FHOD3: variants seen among roughly 807,000 people sequenced by gnomAD.
FHOD3 encodes formin homology 2 domain containing 3, also known as FH1/FH2 domain-containing protein 3.
Under a neutral mutation model 173.0 loss-of-function variants are expected in FHOD3, and 90 were observed. That is an observed-to-expected ratio of 0.52 (90% CI 0.44 to 0.62). The LOEUF (loss-of-function observed/expected upper bound fraction) is 0.62. Among genes scored for constraint, FHOD3 ranks in the 20% least tolerant of loss-of-function variants. The pLI, the probability that FHOD3 is intolerant of heterozygous loss-of-function variation, is 0.00. For missense variants in FHOD3, 1,945 were observed against 2,034.7 expected (o/e 0.96, Z 0.85); for synonymous variants, 828 against 823.0 (o/e 1.01, Z -0.10).
intron 3 of FHOD3, among the ~76,000 whole-genome samples, chr18:36,485,793 T>C (rs187848950): frequency 4.6e-5 from 7 of 152,338 alleles, no homozygotes; most frequent in Non-Finnish European, 1.0e-4. Flanking sequence ...GAAGTCAGCC[T>C]GTGTCTCTTG....
intron 3 of FHOD3, among the ~76,000 whole-genome samples, chr18:36,479,240 T>G (rs1307000277): frequency 6.6e-6 from 1 of 152,340 alleles, no homozygotes; most frequent in Middle Eastern, 3.4e-3. Context: ...GTGAAAAAAT[T>G]TAAAGAAGTT....
At chr18:36,365,039 A>G (rs540090900) in intron 2 of FHOD3, among the ~76,000 whole-genome samples, 1 of 152,270 alleles carries the variant, frequency 6.6e-6, no homozygotes, top group South Asian at 2.1e-4. Flanking sequence ...GTGAGGGTGG[A>G]AGACAAGAGA....
intron 3 of FHOD3, among the ~76,000 whole-genome samples, chr18:36,471,059 G>T (rs547719415): frequency 2.6e-5 from 4 of 152,174 alleles, no homozygotes; most frequent in African/African-American, 9.6e-5. Context: ...CTCAGGGATC[G>T]CAGTGTCCCA....
intron 10 of FHOD3, among the ~76,000 whole-genome samples, chr18:36,627,482 G>T (rs1034408799): frequency 1.3e-5 from 2 of 152,222 alleles, no homozygotes; most frequent in Non-Finnish European, 2.9e-5. Flanking sequence ...CAGTCTTGAA[G>T]TGCTGGGCTC....
intron 24 of FHOD3, among the ~76,000 whole-genome samples, chr18:36,752,160 C>T (rs530780543): frequency 3.3e-5 from 5 of 152,212 alleles, no homozygotes; most frequent in Admixed American, 1.3e-4. Context: ...TGGGGGATAC[C>T]GCCCCCTATG....
At chr18:36,619,310 C>T (rs993181800) in intron 9 of FHOD3, among the ~76,000 whole-genome samples, 4 of 152,270 alleles carry the variant, frequency 2.6e-5, no homozygotes, top group Admixed American at 6.5e-5. Context: ...CTGACATGAC[C>T]ACCTGAAAGC....
At chr18:36,506,512 A>G (rs12970865) in intron 4 of FHOD3, among the ~76,000 whole-genome samples, 8,140 of 152,270 alleles carry the variant, frequency 0.053, 452 homozygotes, top group East Asian at 0.29. Context: ...TTGTAAATAT[A>G]AAAATTGTTT....
intron 24 of FHOD3, among the ~76,000 whole-genome samples, chr18:36,748,418 CGG>C (rs2042261083): frequency 1.4e-5 from 2 of 148,106 alleles, no homozygotes; most frequent in Admixed American, 6.7e-5. Flanking sequence ...CACACACACA[CGG>C]AGAGAGAACC....
chr18:36,496,726 A>G (rs1482414382), intron 3 of FHOD3, among the ~76,000 whole-genome samples: 2 of 152,226 alleles, frequency 1.3e-5, no homozygotes, highest in Non-Finnish European at 2.9e-5. Flanking sequence ...CTCGTGATAT[A>G]GGGAATAATG....
At chr18:36,755,824 G>A (rs975237640) in intron 25 of FHOD3, among the ~76,000 whole-genome samples, 1 of 152,110 alleles carries the variant, frequency 6.6e-6, no homozygotes, top group Non-Finnish European at 1.5e-5. Context: ...CAATCTAATG[G>A]GCTCTTGCCA....
rs561886905 is a variant in FHOD3 at position 36,661,116 on chromosome 18, G to A, written c.1835+2928G>A. Among the ~76,000 whole-genome samples the A allele has an allele frequency of 4.6e-5, 7 of 150,826 alleles. No individual in the cohort carries two copies. In the East Asian group the frequency reaches 1.4e-3, roughly 29 times the overall value. ...TTACCACTTTACTTATGTTTTGTAA[G>A]TGGGGGAAAAAAAAAAAGAAATAAG... On this transcript the variant is annotated intron_variant, in intron 14 of 28. Transcript: ENST00000590592.
intron 3 of FHOD3, among the ~76,000 whole-genome samples, chr18:36,394,790 G>T (rs572984909): frequency 2.6e-5 from 4 of 152,302 alleles, no homozygotes; most frequent in African/African-American, 7.2e-5. Context: ...TTTCAAAACT[G>T]CAATTTGAGT....
At chr18:36,764,453 C>A (rs551496356) in intron 27 of FHOD3, among the ~76,000 whole-genome samples, 1 of 152,086 alleles carries the variant, frequency 6.6e-6, no homozygotes, top group African/African-American at 2.4e-5. Context: ...ACATGGCCAA[C>A]AGGGATGTGA....
At chr18:36,669,958 G>A (rs183734855) in intron 14 of FHOD3, among the ~76,000 whole-genome samples, 121 of 151,554 alleles carry the variant, frequency 8.0e-4, no homozygotes, top group African/African-American at 2.6e-3. Context: ...TATATGTCTG[G>A]AAAAAATATT....
At chr18:36,431,684 T>C (rs937823013) in intron 3 of FHOD3, among the ~76,000 whole-genome samples, 3 of 152,210 alleles carry the variant, frequency 2.0e-5, no homozygotes, top group Non-Finnish European at 4.4e-5. Flanking sequence ...TTAAAGCCAC[T>C]AACATATGGT....
intron 16 of FHOD3, among the ~76,000 whole-genome samples, chr18:36,688,822 C>T (rs191910130): frequency 3.3e-5 from 5 of 152,332 alleles, no homozygotes; most frequent in Admixed American, 2.6e-4. Flanking sequence ...CCCCAAACCA[C>T]GGAAGTCCAG....
intron 3 of FHOD3, among the ~76,000 whole-genome samples, chr18:36,461,882 C>T (rs1370130119): frequency 1.3e-5 from 2 of 152,054 alleles, no homozygotes; most frequent in Non-Finnish European, 1.5e-5. Context: ...TAGTCATAGA[C>T]CTGTCACAAT....
chr18:36,303,286 C>T (rs2092003306), intron 1 of FHOD3, among the ~76,000 whole-genome samples: 1 of 151,774 alleles, frequency 6.6e-6, no homozygotes, highest in African/African-American at 2.4e-5. Context: ...TTTTTTTTTC[C>T]TCCAAATCCT....
At chr18:36,735,247 T>A (rs1451219414) in intron 20 of FHOD3, among the ~76,000 whole-genome samples, 1 of 152,156 alleles carries the variant, frequency 6.6e-6, no homozygotes, top group Non-Finnish European at 1.5e-5. Flanking sequence ...AATGACAGCA[T>A]CTTTGAAAGC....
Sources: allele counts gnomAD v4.1 joint callset (sites outside exome capture counted in the v4.1 genomes callset), GRCh38; gene constraint gnomAD v4.1.1; transcripts MANE v1.5; gene names NCBI Gene and HGNC (gene_info 2026-07-23, HGNC 2026-07-21).